Variants in JAKMIP2 observed in about 807,000 individuals in gnomAD.
JAKMIP2 encodes the protein janus kinase and microtubule interacting protein 2, also known as janus kinase and microtubule-interacting protein 2.
A neutral mutation model predicts 115.0 loss-of-function variants in JAKMIP2; 25 were observed. That is an observed-to-expected ratio of 0.22 (90% confidence interval 0.16 to 0.30). The LOEUF (loss-of-function observed/expected upper bound fraction) is 0.30, where lower values mean the gene tolerates loss of function less well. JAKMIP2 is among the 10% of genes least tolerant of loss of function. JAKMIP2 has a pLI of 1.00. For missense variants in JAKMIP2, 642 were observed against 957.6 expected (o/e 0.67, Z 4.35); for synonymous variants, 334 against 343.6 (o/e 0.97, Z 0.31).
intron 1 of JAKMIP2, among the ~76,000 whole-genome samples, chr5:147,767,438 G>C (rs1252905171): frequency 6.6e-6 from 1 of 152,156 alleles, no homozygotes; most frequent in African/African-American, 2.4e-5. Flanking sequence ...CAGGTTTCTG[G>C]CTCAGTGGCA....
chr5:147,692,571 A>C (rs933492247), intron 1 of JAKMIP2, among the ~76,000 whole-genome samples: 5 of 152,248 alleles, frequency 3.3e-5, no homozygotes, highest in Non-Finnish European at 7.3e-5. Flanking sequence ...ATCAATATTT[A>C]TCTCTCCCAC....
At chr5:147,608,460 C>T (rs1035708809) in intron 20 of JAKMIP2, among the ~76,000 whole-genome samples, 3 of 152,152 alleles carry the variant, frequency 2.0e-5, no homozygotes, top group Non-Finnish European at 2.9e-5. Flanking sequence ...ACAGATTGTT[C>T]GGTTTCCATG....
chr5:147,715,191 TA>T (rs1445188453), intron 1 of JAKMIP2, among the ~76,000 whole-genome samples: 2 of 152,142 alleles, frequency 1.3e-5, no homozygotes, highest in Admixed American at 1.3e-4. Context: ...ATTGAATGAT[TA>T]AAAAATTTCC....
At chr5:147,654,754 C>G (rs1459654411) in intron 3 of JAKMIP2, among the ~76,000 whole-genome samples, 2 of 152,048 alleles carry the variant, frequency 1.3e-5, no homozygotes, top group Non-Finnish European at 2.9e-5. Context: ...GCTATGTTGA[C>G]TAGGAGTGGT....
intron 1 of JAKMIP2, among the ~76,000 whole-genome samples, chr5:147,726,167 G>A (rs1173247622): frequency 6.6e-6 from 1 of 152,196 alleles, no homozygotes; most frequent in Non-Finnish European, 1.5e-5. Flanking sequence ...TTGGTCGGAA[G>A]GATCATTCCA....
chr5:147,670,438 A>G (rs537197703), intron 2 of JAKMIP2, among the ~76,000 whole-genome samples: 4 of 152,186 alleles, frequency 2.6e-5, no homozygotes, highest in Non-Finnish European at 5.9e-5. Context: ...GCAAGGAGCG[A>G]AAACATCTTA....
At chr5:147,750,816 T>G (rs1754523382) in intron 1 of JAKMIP2, among the ~76,000 whole-genome samples, 1 of 151,962 alleles carries the variant, frequency 6.6e-6, no homozygotes, top group Admixed American at 6.6e-5. Context: ...CAGAGATCTC[T>G]CTCCTAGTGC....
At chr5:147,595,772 A>G (rs962773559) in intron 21 of JAKMIP2, among the ~76,000 whole-genome samples, 3 of 152,174 alleles carry the variant, frequency 2.0e-5, no homozygotes, top group Admixed American at 2.0e-4. Flanking sequence ...TTGATTGTTG[A>G]CTATGTGCTA....
At chr5:147,731,881 C>T (rs1469056015) in intron 1 of JAKMIP2, among the ~76,000 whole-genome samples, 2 of 152,206 alleles carry the variant, frequency 1.3e-5, no homozygotes, top group African/African-American at 4.8e-5. Flanking sequence ...TTTATTTGCA[C>T]ATCTCCCAGT....
chr5:147,671,390 C>G (rs748438199), intron 2 of JAKMIP2, among the ~76,000 whole-genome samples: 3 of 152,142 alleles, frequency 2.0e-5, no homozygotes, highest in Non-Finnish European at 4.4e-5. Flanking sequence ...AAGTGTTTGG[C>G]GGTGGTAAGG....
chr5:147,629,945 C>T (rs1422252415), intron 14 of JAKMIP2, among the ~76,000 whole-genome samples, 199 bp from the exon 15 acceptor site: 1 of 152,166 alleles, frequency 6.6e-6, no homozygotes, highest in Non-Finnish European at 1.5e-5. Flanking sequence ...ACAGATCATT[C>T]TTAATTTTGC....
At chr5:147,673,317 T>G (rs967668838) in intron 1 of JAKMIP2, among the ~76,000 whole-genome samples, 3 of 152,168 alleles carry the variant, frequency 2.0e-5, no homozygotes, top group Non-Finnish European at 4.4e-5. Flanking sequence ...CTTGCAACCT[T>G]TCAGAAAATT....
At chr5:147,699,237 C>T (rs897750927) in intron 1 of JAKMIP2, among the ~76,000 whole-genome samples, 3 of 152,068 alleles carry the variant, frequency 2.0e-5, no homozygotes, top group African/African-American at 7.2e-5. Context: ...GAAAGAATTG[C>T]TGCTGGCTTG....
chr5:147,722,259 CCTG>C (rs1753342338), intron 1 of JAKMIP2, among the ~76,000 whole-genome samples: 2 of 152,116 alleles, frequency 1.3e-5, no homozygotes, highest in African/African-American at 4.8e-5. Flanking sequence ...TTTATAAATA[CCTG>C]TGCAATCATT....
chr5:147,726,880 C>T (rs1446787477), intron 1 of JAKMIP2, among the ~76,000 whole-genome samples: 3 of 152,160 alleles, frequency 2.0e-5, no homozygotes, highest in African/African-American at 7.2e-5. Context: ...TAGTTAGCCC[C>T]AAAAATTACC....
chr5:147,760,018 G>C (rs1449303189), intron 1 of JAKMIP2, among the ~76,000 whole-genome samples: 3 of 152,034 alleles, frequency 2.0e-5, no homozygotes, highest in African/African-American at 7.2e-5. Flanking sequence ...CAGATTGAAT[G>C]AGAGTTATAA....
At chr5:147,740,282 C>CT (rs1754094249) in intron 1 of JAKMIP2, among the ~76,000 whole-genome samples, 1 of 152,150 alleles carries the variant, frequency 6.6e-6, no homozygotes, top group African/African-American at 2.4e-5. Flanking sequence ...AATCAGAATG[C>CT]AAGACATACA....
chr5:147,729,789 A>C (rs1267535200), intron 1 of JAKMIP2, among the ~76,000 whole-genome samples: 3 of 152,020 alleles, frequency 2.0e-5, no homozygotes, highest in Admixed American at 1.3e-4. Context: ...AAAAAAAAAA[A>C]AACTTTGTTC....
chr5:147,603,672 A>C (rs1755834971), intron 20 of JAKMIP2, among the ~76,000 whole-genome samples: 2 of 152,208 alleles, frequency 1.3e-5, no homozygotes, highest in South Asian at 4.1e-4. Context: ...TGAATTTGCT[A>C]CCATATGTGA....
Sources: gnomAD v4.1 joint callset for allele counts (sites outside exome capture counted in the v4.1 genomes callset) on GRCh38, gnomAD v4.1.1 for gene constraint, MANE v1.5 for transcripts, NCBI Gene and HGNC (gene_info 2026-07-23, HGNC 2026-07-21) for gene names.